Variants in PKNOX2 observed in about 807,000 individuals in gnomAD.
The protein encoded by PKNOX2 is PBX/knotted 1 homeobox 2, also known as homeobox protein PKNOX2.
Under a neutral mutation model 53.1 loss-of-function variants are expected in PKNOX2, and 14 were observed. The observed-to-expected ratio is 0.26, with a 90% confidence interval of 0.17 to 0.41. PKNOX2 has a LOEUF of 0.41. Ranked by LOEUF, PKNOX2 falls within the 10% of genes least tolerant of loss-of-function variation. PKNOX2 has a pLI of 1.00. For missense variants in PKNOX2, 496 were observed against 602.8 expected, an observed-to-expected ratio of 0.82 and a Z score of 1.85; for synonymous variants, 257 against 242.8, an observed-to-expected ratio of 1.06 and a Z score of -0.54.
intron 3 of PKNOX2, among the ~76,000 whole-genome samples, chr11:125,350,895 T>G (rs1264890385): frequency 1.3e-5 from 2 of 152,086 alleles, no homozygotes; most frequent in African/African-American, 2.4e-5. Flanking sequence ...CTTATCAGGC[T>G]GGAACTCAGG....
intron 2 of PKNOX2, among the ~76,000 whole-genome samples, chr11:125,328,405 G>A (rs1949954312): frequency 6.6e-6 from 1 of 151,956 alleles, no homozygotes; most frequent in Non-Finnish European, 1.5e-5. Flanking sequence ...GAGAGACAGA[G>A]ACAGAGACAG....
intron 2 of PKNOX2, among the ~76,000 whole-genome samples, chr11:125,309,957 A>G (rs12284594): frequency 0.23 from 35,204 of 152,010 alleles, 4,773 homozygotes; most frequent in East Asian, 0.51. Flanking sequence ...GGAGACAATC[A>G]CTCACCTAGC....
In PKNOX2 at chr11:125,431,437, T is replaced by G; in HGVS notation, c.*45T>G. ...CTGATCACTGAGCAGGAGAGGAGTG[T>G]CGCCGGGAGGCCTTCAGGGTGGGGG... On this transcript the variant is annotated 3_prime_UTR_variant, in exon 13 of 13. Coordinates refer to ENST00000298282, the MANE Select transcript of PKNOX2 (RefSeq NM_001382323.2). The G allele has an allele frequency of 5.5e-6, 2 of 364,774 alleles. No homozygotes were observed. Among genetic ancestry groups the G allele is most frequent in the Admixed American group, 3.7e-5 (1 of 27,058 alleles). The allele number at this position is 364,774 out of a possible 1,614,324, so 22.6% of individuals were successfully genotyped here. A position where few individuals can be genotyped will look rare whatever the true frequency, so the allele number is the denominator to read the frequency against.
chr11:125,316,441 G>A (rs1208673602), intron 2 of PKNOX2, among the ~76,000 whole-genome samples: 1 of 152,192 alleles, frequency 6.6e-6, no homozygotes, highest in Non-Finnish European at 1.5e-5. Context: ...GAAATGATCA[G>A]AGGTAGCCTT....
At chr11:125,389,882 C>T (rs565601925) in intron 6 of PKNOX2, among the ~76,000 whole-genome samples, 4 of 152,116 alleles carry the variant, frequency 2.6e-5, no homozygotes, top group African/African-American at 9.6e-5. Flanking sequence ...GCTGCCTGAC[C>T]GCAAAGCCAG....
chr11:125,306,210 G>C (rs1422298257), intron 2 of PKNOX2, among the ~76,000 whole-genome samples: 1 of 152,092 alleles, frequency 6.6e-6, no homozygotes, highest in African/African-American at 2.4e-5. Flanking sequence ...GGCTGAAAAG[G>C]CTGGGAAGTT....
intron 1 of PKNOX2, among the ~76,000 whole-genome samples, chr11:125,231,902 CT>C (rs1040140257): frequency 6.6e-6 from 1 of 152,190 alleles, no homozygotes; most frequent in Admixed American, 6.5e-5. Context: ...CACTATCAGC[CT>C]TCGAATGCTG....
chr11:125,243,047 G>C (rs1245231836), intron 2 of PKNOX2, among the ~76,000 whole-genome samples: 1 of 152,142 alleles, frequency 6.6e-6, no homozygotes, highest in Middle Eastern at 3.2e-3. Flanking sequence ...TTTCTTGAAG[G>C]GTTGTTGGTG....
chr11:125,398,347 C>T (rs1035822230), intron 7 of PKNOX2, among the ~76,000 whole-genome samples: 5 of 152,200 alleles, frequency 3.3e-5, no homozygotes, highest in African/African-American at 4.8e-5. Flanking sequence ...CCCAAGGTAT[C>T]CCCCAGAATG....
chr11:125,222,607 G>A (rs1006589966), intron 1 of PKNOX2, among the ~76,000 whole-genome samples: 1 of 139,672 alleles, frequency 7.2e-6, no homozygotes, highest in African/African-American at 3.0e-5. Context: ...GTGTGTGTCT[G>A]TGTGTATGTG....
At position 125,353,616 on chromosome 11, in the gene PKNOX2, C is replaced by T. The variant is rs188115933; in HGVS notation, c.87+2224C>T. 5.6e-4 allele frequency among the ~76,000 whole-genome samples: 86 copies of T among 152,284 alleles called. No individual in the cohort carries two copies. The East Asian group carries it at 0.012, about 22-fold the overall frequency. ...ACAGAAGCCAGACACAGGCACTGCC[C>T]GAAGGCTCTCCTCTCTGAGGATCCG... On this transcript the variant is annotated intron_variant, in intron 4 of 12. Coordinates refer to ENST00000298282, the MANE Select transcript of PKNOX2 (RefSeq NM_001382323.2).
chr11:125,248,750 C>G (rs1303256658), intron 2 of PKNOX2, among the ~76,000 whole-genome samples: 6 of 147,276 alleles, frequency 4.1e-5, no homozygotes, highest in Non-Finnish European at 8.9e-5. Flanking sequence ...TTTATACAAG[C>G]CACACTACTG....
intron 6 of PKNOX2, among the ~76,000 whole-genome samples, chr11:125,391,927 C>A (rs1432205934): frequency 1.3e-5 from 2 of 152,180 alleles, no homozygotes; most frequent in Non-Finnish European, 2.9e-5. Flanking sequence ...TTTCACATGA[C>A]CCCGATCATT....
chr11:125,224,880 G>A (rs1941554422), intron 1 of PKNOX2, among the ~76,000 whole-genome samples: 1 of 152,248 alleles, frequency 6.6e-6, no homozygotes, highest in Non-Finnish European at 1.5e-5. Context: ...CCGGAGGCAA[G>A]TTAGGGAATA....
chr11:125,304,160 G>A (rs1363758324), intron 2 of PKNOX2, among the ~76,000 whole-genome samples: 2 of 152,186 alleles, frequency 1.3e-5, no homozygotes, highest in Non-Finnish European at 2.9e-5. Context: ...GGAGGGGGCT[G>A]CTTGGAAATG....
intron 1 of PKNOX2, among the ~76,000 whole-genome samples, chr11:125,204,797 G>A (rs1170148769): frequency 6.6e-6 from 1 of 152,042 alleles, no homozygotes; most frequent in Non-Finnish European, 1.5e-5. Context: ...ACTCCTCCAG[G>A]CCCGGCTGAA....
At chr11:125,271,811 C>T (rs1158787947) in intron 2 of PKNOX2, among the ~76,000 whole-genome samples, 6 of 152,186 alleles carry the variant, frequency 3.9e-5, no homozygotes, top group Non-Finnish European at 7.3e-5. Context: ...TGGCTCTGCT[C>T]AGCCCATGGT....
rs530686275 is a variant in PKNOX2 at position 125,280,270 on chromosome 11, C to T, written c.-130+45155C>T. ...TAAACTCCGGCTTTGATATGCACCT[C>T]GTGACAGCGTGAACCTGCACCCAGA... is the stretch of plus-strand genomic sequence containing the variant. On this transcript the variant is annotated intron_variant, in intron 2 of 12. Coordinates refer to ENST00000298282, the MANE Select transcript of PKNOX2 (RefSeq NM_001382323.2). 7.9e-5 allele frequency among the ~76,000 whole-genome samples: 12 copies of T among 152,238 alleles called. No individual in the cohort carries two copies. The South Asian group carries it at 1.2e-3, about 16-fold the overall frequency.
chr11:125,269,960 G>A (rs772750719), intron 2 of PKNOX2, among the ~76,000 whole-genome samples: 56 of 152,182 alleles, frequency 3.7e-4, no homozygotes, highest in Admixed American at 2.4e-3. Flanking sequence ...GCCAGGTGTT[G>A]TTGTGGGCAC....
Sources: allele counts gnomAD v4.1 joint callset (sites outside exome capture counted in the v4.1 genomes callset), GRCh38; gene constraint gnomAD v4.1.1; transcripts MANE v1.5; gene names NCBI Gene and HGNC (gene_info 2026-07-23, HGNC 2026-07-21).